MCF2L: variants seen among roughly 807,000 people sequenced by gnomAD.
MCF2L encodes the protein guanine nucleotide exchange factor DBS.
MCF2L carries 97 observed loss-of-function variants against 153.4 expected under a neutral mutation model. The ratio of observed to expected loss-of-function variants is 0.63; its 90% CI spans 0.54 to 0.75. The LOEUF is 0.75. Among genes scored for constraint, MCF2L ranks in the 30% least tolerant of loss-of-function variants. The pLI is 0.00. For synonymous variants in MCF2L, 659 were observed against 632.2 expected, an observed-to-expected ratio of 1.04 and a Z score of -0.64; for missense variants, 1,347 against 1,495.2, an observed-to-expected ratio of 0.90 and a Z score of 1.64.
Position 113,035,142 on chromosome 13 carries a change from G to A in MCF2L, c.279-10129G>A, listed in dbSNP as rs936287180. On this transcript the variant is annotated intron_variant, in intron 3 of 29. Coordinates refer to ENST00000535094, the MANE Select transcript of MCF2L (RefSeq NM_001112732.3). The surrounding 1 kb of genome is among the most constrained non-coding windows in gnomAD (Gnocchi z 4.4). ...TTGTGATATTCACTTCCAACCACAC[G>A]AGGGTGCAGCTGGGCAACCGCAGCT... Among the ~76,000 whole-genome samples, 6 of 152,202 alleles carry A rather than the reference G, an allele frequency of 3.9e-5. No homozygotes were observed. The highest frequency in any genetic ancestry group is 7.2e-5 in the African/African-American group (3 of 41,462).
At chr13:113,034,352 G>A (rs1001455107) in intron 3 of MCF2L, among the ~76,000 whole-genome samples, 1 of 152,114 alleles carries the variant, frequency 6.6e-6, no homozygotes, top group African/African-American at 2.4e-5. Flanking sequence ...GCCCAGGTTG[G>A]TCTTGAACTC....
At chr13:113,076,234 G>C in intron 12 of MCF2L, 77 bp downstream of exon 12, 1 of 1,027,742 alleles carries the variant, frequency 9.7e-7, no homozygotes, top group Non-Finnish European at 1.4e-6. Context: ...AAGTTTGAAA[G>C]AATCATTTAA....
chr13:112,982,110 T>TG (rs1475879138), intron 1 of MCF2L, among the ~76,000 whole-genome samples: 3 of 151,938 alleles, frequency 2.0e-5, no homozygotes, highest in Non-Finnish European at 4.4e-5. Context: ...GCAGAGAGCA[T>TG]GGGGCCGACG....
intron 2 of MCF2L, among the ~76,000 whole-genome samples, chr13:112,916,682 G>A (rs1481604792): frequency 2.0e-5 from 3 of 152,274 alleles, no homozygotes; most frequent in Non-Finnish European, 2.9e-5. Flanking sequence ...CCGGGCAGAC[G>A]GTGTTGATCC....
chr13:112,918,023 T>C (rs1423520802), intron 2 of MCF2L, among the ~76,000 whole-genome samples: 2 of 152,254 alleles, frequency 1.3e-5, no homozygotes, highest in Admixed American at 1.3e-4. Context: ...TCCAGATAAC[T>C]TGCCACTTTT....
Position 112,993,228 on chromosome 13 carries a change from G to A in MCF2L, c.80-21535G>A, listed in dbSNP as rs2140988660. ...GGAGACACGATGGCACAGCCCCGGT[G>A]AAGCCACGTGATGTCTTCGTGTGAA... is the stretch of plus-strand genomic sequence containing the variant. On this transcript the variant is annotated intron_variant, in intron 1 of 29. Coordinates refer to ENST00000535094, the MANE Select transcript of MCF2L (RefSeq NM_001112732.3). This position sits in a 1 kb window ranked among gnomAD's most constrained non-coding sequence, Gnocchi z 4.6. Among the ~76,000 whole-genome samples, 1 of 152,356 alleles carries A rather than the reference G, an allele frequency of 6.6e-6. No individual in the cohort carries two copies. Among genetic ancestry groups the A allele is most frequent in the Admixed American group, 6.5e-5 (1 of 15,306 alleles).
chr13:113,004,822 G>A (rs189535592), intron 1 of MCF2L, among the ~76,000 whole-genome samples: 50 of 152,352 alleles, frequency 3.3e-4, no homozygotes, highest in Admixed American at 2.5e-3. Context: ...TGGGCTTCAC[G>A]TTGGTGCCCA....
chr13:113,085,025 C>A, intron 19 of MCF2L, 41 bp downstream of exon 19: 1 of 1,611,950 alleles, frequency 6.2e-7, no homozygotes, highest in Non-Finnish European at 8.5e-7. Context: ...ACTCCCTTTC[C>A]TAGCCGACTC....
At chr13:113,049,840 C>T (rs1594829935) in intron 4 of MCF2L, among the ~76,000 whole-genome samples, 1 of 152,224 alleles carries the variant, frequency 6.6e-6, no homozygotes, top group East Asian at 1.9e-4. Context: ...CTGAGCTCTC[C>T]CTAATTTGGG....
At chr13:113,010,895 A>C (rs2084050831) in intron 1 of MCF2L, among the ~76,000 whole-genome samples, 1 of 152,062 alleles carries the variant, frequency 6.6e-6, no homozygotes, top group African/African-American at 2.4e-5. Context: ...TCCTCTGGGG[A>C]CCTGTCTCCT....
At chr13:112,901,607 G>T (rs1324186165) in intron 1 of MCF2L, among the ~76,000 whole-genome samples, 1 of 152,216 alleles carries the variant, frequency 6.6e-6, no homozygotes, top group Non-Finnish European at 1.5e-5. Context: ...CTGCCGGCAA[G>T]TGACTCTGAG....
At chr13:112,948,231 A>G (rs1359339750) in intron 2 of MCF2L, among the ~76,000 whole-genome samples, 2 of 152,190 alleles carry the variant, frequency 1.3e-5, no homozygotes, top group East Asian at 1.9e-4. Context: ...GCTTCCTTCA[A>G]TCCATACTAA....
intron 1 of MCF2L, among the ~76,000 whole-genome samples, chr13:112,982,916 G>A (rs531298103): frequency 9.2e-5 from 14 of 152,246 alleles, no homozygotes; most frequent in Admixed American, 8.5e-4. Context: ...AGGGGGTGTC[G>A]GTGGAAGAAC....
chr13:113,010,662 C>T (rs556820943), intron 1 of MCF2L, among the ~76,000 whole-genome samples: 12 of 151,628 alleles, frequency 7.9e-5, no homozygotes, highest in Non-Finnish European at 1.3e-4. Context: ...GGGGAATGGA[C>T]GGGGCAGCCT....
At chr13:113,087,654 A>C (rs1353053228) in intron 22 of MCF2L, 53 bp from the exon 23 acceptor site, 31 of 1,471,446 alleles carry the variant, frequency 2.1e-5, no homozygotes, top group Non-Finnish European at 2.5e-5. Context: ...TTTTAAAAAC[A>C]AGGCAGTGGG....
intron 1 of MCF2L, among the ~76,000 whole-genome samples, chr13:112,974,574 C>T (rs192564195): frequency 6.6e-6 from 1 of 152,288 alleles, no homozygotes; most frequent in East Asian, 1.9e-4. Context: ...TCAATACCAG[C>T]TGAATACCAG....
Position 113,064,172 on chromosome 13 carries a change from C to G in MCF2L, c.490-132C>G. ...CATCCGCAGTGTCCAGGTGCCCCCA[C>G]CCACACAGCCGCCCGCAGCATCCAG... On this transcript the variant is annotated intron_variant, in intron 5 of 29. Coordinates refer to ENST00000535094, the MANE Select transcript of MCF2L (RefSeq NM_001112732.3). This position sits in a 1 kb window ranked among gnomAD's most constrained non-coding sequence, Gnocchi z 6.0. 1 of 733,228 alleles carries G rather than the reference C, an allele frequency of 1.4e-6. No homozygotes were observed. The highest frequency in any genetic ancestry group is 2.4e-6 in the Non-Finnish European group (1 of 408,254). 45.4% of individuals were successfully genotyped at this position (733,228 alleles called of 1,614,324 possible).
intron 2 of MCF2L, among the ~76,000 whole-genome samples, chr13:112,917,906 C>T (rs1222623906): frequency 6.6e-6 from 1 of 152,224 alleles, no homozygotes. Flanking sequence ...TCCAGGCCGG[C>T]TTGCGTCCCC....
At chr13:112,965,175 C>T (rs1229755235), upstream of MCF2L, 2 of 152,938 alleles carry the variant, frequency 1.3e-5, no homozygotes, top group Non-Finnish European at 2.9e-5. Flanking sequence ...CCCTCCCTGT[C>T]CCCCACTTCA....
Sources: gnomAD v4.1 joint callset for allele counts (sites outside exome capture counted in the v4.1 genomes callset) on GRCh38, gnomAD v4.1.1 for gene constraint, Gnocchi (gnomAD v3.1) non-coding constraint, MANE v1.5 for transcripts, NCBI Gene and HGNC (gene_info 2026-07-23, HGNC 2026-07-21) for gene names.